SENP6: variants seen among roughly 807,000 people sequenced by gnomAD.
SENP6 encodes sentrin-specific protease 6.
A neutral mutation model predicts 134.5 loss-of-function variants in SENP6; 41 were observed. The observed-to-expected ratio is 0.30, with a 90% CI of 0.24 to 0.40. The LOEUF is 0.40. SENP6 is among the 10% of genes least tolerant of loss of function. The probability of loss-of-function intolerance (pLI) is 1.00; values close to 1 mark genes in which losing one functional copy is unlikely to be tolerated. For missense variants in SENP6, 1,248 were observed against 1,312.5 expected, an observed-to-expected ratio of 0.95 and a Z score of 0.76; for synonymous variants, 395 against 429.8, an observed-to-expected ratio of 0.92 and a Z score of 1.00.
chr6:75,614,691 C>T (rs1406685968), intron 1 of SENP6, among the ~76,000 whole-genome samples: 1 of 152,050 alleles, frequency 6.6e-6, no homozygotes, highest in Admixed American at 6.5e-5. Context: ...GACTGAATCC[C>T]CCAATTATTA....
Position 75,670,726 on chromosome 6 carries a change from T to A in SENP6, c.1392+6T>A. On this transcript the variant is annotated splice_donor_region_variant and intron_variant, in intron 11 of 23. Transcript: ENST00000447266. ...TGTTAATAGAGCCTGTAATTGTAAG[T>A]ACATCTTAAGCTCTTTACTATACCA... 6.3e-7 allele frequency: 1 copy of A among 1,593,130 alleles called. No individual in the cohort carries two copies. Among genetic ancestry groups the A allele is most frequent in the Non-Finnish European group, 8.6e-7 (1 of 1,166,390 alleles).
intron 7 of SENP6, among the ~76,000 whole-genome samples, chr6:75,650,112 T>A (rs1770757239): frequency 6.6e-6 from 1 of 152,216 alleles, no homozygotes; most frequent in Non-Finnish European, 1.5e-5. Flanking sequence ...GTCAGTTGCT[T>A]TGTATAATGC....
intron 1 of SENP6, among the ~76,000 whole-genome samples, chr6:75,608,873 G>T (rs1198922692): frequency 6.6e-6 from 1 of 152,156 alleles, no homozygotes; most frequent in Non-Finnish European, 1.5e-5. Context: ...AAAAGAAAAA[G>T]AGCTTCCTTT....
intron 7 of SENP6, among the ~76,000 whole-genome samples, chr6:75,658,973 C>CAAAAAA (rs1412151177): frequency 7.0e-5 from 2 of 28,538 alleles, no homozygotes; most frequent in African/African-American, 1.4e-4. Context: ...CCTTGTCTCC[C>CAAAAAA]CAAAAAAAAA....
At chr6:75,635,195 C>T (rs1290757488) in intron 5 of SENP6, 1 of 216,388 alleles carries the variant, frequency 4.6e-6, no homozygotes, top group African/African-American at 2.3e-5. Flanking sequence ...GAGTTCATAG[C>T]ATCAAAACAA....
At chr6:75,639,061 A>G (rs912724348) in intron 5 of SENP6, among the ~76,000 whole-genome samples, 2 of 152,106 alleles carry the variant, frequency 1.3e-5, no homozygotes, top group African/African-American at 2.4e-5. Context: ...CTCAAAAACA[A>G]AAACAAGAGA....
intron 16 of SENP6, chr6:75,679,591 C>G (rs1379189409): frequency 6.6e-6 from 1 of 152,184 alleles, no homozygotes; most frequent in Non-Finnish European, 1.5e-5. Context: ...GCTTCATTAT[C>G]TTTGGAGGTT....
At chr6:75,651,619 T>C (rs917406585) in intron 7 of SENP6, among the ~76,000 whole-genome samples, 1 of 152,208 alleles carries the variant, frequency 6.6e-6, no homozygotes, top group South Asian at 2.1e-4. Context: ...CCCAAAGTGC[T>C]GGGATTACAG....
chr6:75,613,297 A>C (rs1767600804), intron 1 of SENP6, among the ~76,000 whole-genome samples: 1 of 152,124 alleles, frequency 6.6e-6, no homozygotes, highest in African/African-American at 2.4e-5. Context: ...CCCTTAAATA[A>C]AGTTTTATTG....
At chr6:75,622,818 A>G in intron 2 of SENP6, 1 of 1,288,728 alleles carries the variant, frequency 7.8e-7, no homozygotes, top group Non-Finnish European at 1.0e-6. Context: ...CACCGATGAG[A>G]TGTTGATTTG....
intron 16 of SENP6, among the ~76,000 whole-genome samples, chr6:75,686,223 C>A (rs1237780529): frequency 6.6e-6 from 1 of 151,638 alleles, no homozygotes; most frequent in Non-Finnish European, 1.5e-5. Flanking sequence ...GCAACCCCTG[C>A]CTTTTTTTGT....
chr6:75,642,210 A>T (rs1213873523), intron 6 of SENP6, among the ~76,000 whole-genome samples: 1 of 152,206 alleles, frequency 6.6e-6, no homozygotes, highest in East Asian at 1.9e-4. Flanking sequence ...CTGCATAAGG[A>T]TACAGTGATG....
chr6:75,627,462 G>T (rs954021115), intron 3 of SENP6, among the ~76,000 whole-genome samples: 3 of 152,018 alleles, frequency 2.0e-5, no homozygotes, highest in African/African-American at 7.3e-5. Flanking sequence ...GAGTGAACTT[G>T]GTAGATGAAA....
chr6:75,713,028 G>A (rs111255079), intron 21 of SENP6, among the ~76,000 whole-genome samples: 7,160 of 152,028 alleles, frequency 0.047, 252 homozygotes, highest in Middle Eastern at 0.065. Context: ...GATCACCTGC[G>A]CTCAGGACAT....
intron 19 of SENP6, among the ~76,000 whole-genome samples, chr6:75,704,524 A>T (rs1473959750): frequency 6.6e-6 from 1 of 152,242 alleles, no homozygotes; most frequent in Non-Finnish European, 1.5e-5. Context: ...CTATCTCAGA[A>T]TTGAACAAAT....
At chr6:75,697,981 T>C (rs1774770351) in intron 18 of SENP6, 1 of 153,454 alleles carries the variant, frequency 6.5e-6, no homozygotes, top group African/African-American at 2.4e-5. Context: ...TCTGAGTAAA[T>C]GGAGGTGTTT....
chr6:75,611,074 A>G (rs1333163681), intron 1 of SENP6: 7 of 152,190 alleles, frequency 4.6e-5, no homozygotes, highest in African/African-American at 1.4e-4. Flanking sequence ...TCAAAAATCT[A>G]CAACTTTCTA....
chr6:75,715,829 TTTG>T lies in SENP6; in HGVS notation c.*238_*240del. The T allele has an allele frequency of 3.4e-6, 1 of 297,556 alleles. No individual in the cohort carries two copies. The allele number at this position is 297,556 out of a possible 1,614,324, so 18.4% of individuals were successfully genotyped here. A position where few individuals can be genotyped will look rare whatever the true frequency, so the allele number is the denominator to read the frequency against. On this transcript the variant is annotated 3_prime_UTR_variant, in exon 24 of 24. Transcript: ENST00000447266. ...TATTTTTTTCACTTGTTAGGAAGCT[TTTG>T]TTATGTATTTTCTGTTAATAGTACC...
intron 7 of SENP6, among the ~76,000 whole-genome samples, chr6:75,649,850 A>G (rs1418128302): frequency 1.3e-5 from 2 of 152,212 alleles, no homozygotes; most frequent in Non-Finnish European, 2.9e-5. Context: ...TTAGACTTAG[A>G]GAAAATTTGC....
Sources: gnomAD v4.1 joint callset for allele counts (sites outside exome capture counted in the v4.1 genomes callset) on GRCh38, gnomAD v4.1.1 for gene constraint, MANE v1.5 for transcripts, NCBI Gene and HGNC (gene_info 2026-07-23, HGNC 2026-07-21) for gene names.